Variants in RPS6KC1 observed in about 807,000 individuals in gnomAD.
The protein encoded by RPS6KC1 is inactive ribosomal protein S6 kinase delta-1.
In RPS6KC1, 54 loss-of-function variants were observed where a neutral mutation model predicts 103.8. That is an observed-to-expected ratio of 0.52 (90% CI 0.42 to 0.65). The LOEUF (loss-of-function observed/expected upper bound fraction) is 0.65. Ranked by LOEUF, RPS6KC1 falls within the 30% of genes least tolerant of loss-of-function variation. The pLI is 0.00. For synonymous variants in RPS6KC1, 439 were observed against 438.7 expected, an observed-to-expected ratio of 1.00 and a Z score of -0.01; for missense variants, 1,151 against 1,253.8, an observed-to-expected ratio of 0.92 and a Z score of 1.24.
the RPS6KC1 span, among the ~76,000 whole-genome samples, chr1:213,353,339 A>G: frequency 6.6e-6 from 1 of 152,246 alleles, no homozygotes; most frequent in Non-Finnish European, 1.5e-5. Flanking sequence ...GCACTCTTCT[A>G]GCCCTAAACA....
chr1:213,387,737 C>T, the RPS6KC1 span, among the ~76,000 whole-genome samples: 4 of 152,332 alleles, frequency 2.6e-5, no homozygotes, highest in African/African-American at 9.6e-5. Context: ...AAGACAATGA[C>T]ATAGCATTCT....
the RPS6KC1 span, among the ~76,000 whole-genome samples, chr1:213,423,349 T>C: frequency 6.6e-6 from 1 of 152,194 alleles, no homozygotes; most frequent in South Asian, 2.1e-4. Flanking sequence ...CCATTCTTGA[T>C]GGCAGGAGTT....
At chr1:213,560,092 G>A in the RPS6KC1 span, among the ~76,000 whole-genome samples, 1 of 152,096 alleles carries the variant, frequency 6.6e-6, no homozygotes, top group East Asian at 1.9e-4. Context: ...GTTTACTTTA[G>A]TTCCCCTAGT....
chr1:213,854,510 C>CTCTTTCTTTCTTTCTTTCTTTCTTTCTT, the RPS6KC1 span, among the ~76,000 whole-genome samples: 1 of 120,934 alleles, frequency 8.3e-6, no homozygotes, highest in Non-Finnish European at 1.7e-5. Flanking sequence ...CTCTTTCTTT[C>CTCTTTCTTTCTTTCTTTCTTTCTTTCTT]TCTTTCTTTC....
the RPS6KC1 span, among the ~76,000 whole-genome samples, chr1:213,786,150 T>C: frequency 2.6e-5 from 4 of 152,074 alleles, no homozygotes; most frequent in Admixed American, 2.6e-4. Context: ...GGTTCAATGA[T>C]GGAATAGGAG....
intron 14 of RPS6KC1, among the ~76,000 whole-genome samples, chr1:213,269,061 T>C (rs2094979141): frequency 6.6e-6 from 1 of 152,228 alleles, no homozygotes. Context: ...AGCTGGATCT[T>C]CTGTGCGTGA....
At chr1:213,084,737 C>T (rs1189156185) in intron 3 of RPS6KC1, among the ~76,000 whole-genome samples, 6 of 152,106 alleles carry the variant, frequency 3.9e-5, no homozygotes, top group African/African-American at 1.2e-4. Context: ...ATTATATTGG[C>T]ATTTTTGAAG....
intron 1 of RPS6KC1, among the ~76,000 whole-genome samples, chr1:213,069,864 A>G (rs2078708982): frequency 1.3e-5 from 2 of 152,096 alleles, no homozygotes; most frequent in South Asian, 4.1e-4. Context: ...ATCTAATGTG[A>G]GATTTTCCTA....
the RPS6KC1 span, among the ~76,000 whole-genome samples, chr1:213,778,045 A>G: frequency 6.6e-6 from 1 of 152,312 alleles, no homozygotes; most frequent in South Asian, 2.1e-4. Flanking sequence ...CAGGGTACTC[A>G]GGCAGTCTGA....
chr1:213,729,722 C>CT, the RPS6KC1 span, among the ~76,000 whole-genome samples: 5 of 151,800 alleles, frequency 3.3e-5, no homozygotes, highest in East Asian at 1.9e-4. Context: ...AGGACTTATT[C>CT]TTTTTTTATT....
the RPS6KC1 span, among the ~76,000 whole-genome samples, chr1:213,719,989 G>A: frequency 8.6e-5 from 13 of 150,798 alleles, no homozygotes; most frequent in Non-Finnish European, 1.8e-4. Context: ...TTTCCTTTCT[G>A]CCTGCTCTTC....
intron 8 of RPS6KC1, among the ~76,000 whole-genome samples, chr1:213,198,878 C>G (rs61834142): frequency 0.033 from 5,075 of 152,120 alleles, 110 homozygotes; most frequent in Middle Eastern, 0.054. Context: ...TTAAATTTAC[C>G]CAAATAAAAT....
the RPS6KC1 span, among the ~76,000 whole-genome samples, chr1:213,486,802 G>A: frequency 1.3e-5 from 2 of 152,142 alleles, no homozygotes; most frequent in Non-Finnish European, 2.9e-5. Context: ...GTCAAGATAC[G>A]GGCCCAGCTT....
At chr1:213,214,342 C>A (rs928527799) in intron 8 of RPS6KC1, among the ~76,000 whole-genome samples, 1 of 152,250 alleles carries the variant, frequency 6.6e-6, no homozygotes, top group Admixed American at 6.5e-5. Flanking sequence ...GGTGCCCGCC[C>A]TTGCTGAGGC....
At chr1:213,830,537 C>T in the RPS6KC1 span, among the ~76,000 whole-genome samples, 1 of 152,104 alleles carries the variant, frequency 6.6e-6, no homozygotes. Context: ...AAGACTGCTT[C>T]GAGAATATTG....
At chr1:213,110,247 G>A (rs1481490038) in intron 4 of RPS6KC1, among the ~76,000 whole-genome samples, 1 of 151,806 alleles carries the variant, frequency 6.6e-6, no homozygotes, top group African/African-American at 2.4e-5. Flanking sequence ...CCCATGTTTG[G>A]GTCACATACT....
chr1:213,272,625 G>C lies in RPS6KC1; in HGVS notation c.3192G>C (p.Leu1064=). 2 of 1,610,766 alleles carry C rather than the reference G, an allele frequency of 1.2e-6. No homozygotes were observed. The highest frequency in any genetic ancestry group is 1.7e-6 in the Non-Finnish European group (2 of 1,177,010). ...PFFTPVDWAE[L]MR is the part of the protein sequence containing the mutation. Reference sequence around the variant, plus strand: ...TTACCCCTGTGGATTGGGCAGAACTGATGAGATGAACGTAATGCAGGGTTA... The same window carrying C: ...TTACCCCTGTGGATTGGGCAGAACTCATGAGATGAACGTAATGCAGGGTTA... The change falls in exon 15 of 15, where the codon CTG becomes CTC. Residue 1064 remains leucine, a synonymous_variant. Coordinates refer to ENST00000366960, the MANE Select transcript of RPS6KC1 (RefSeq NM_012424.6).
the RPS6KC1 span, among the ~76,000 whole-genome samples, chr1:213,655,858 T>C: frequency 6.6e-6 from 1 of 152,200 alleles, no homozygotes; most frequent in South Asian, 2.1e-4. Context: ...TTTGTGATTT[T>C]AGAGGATGAC....
chr1:213,534,063 A>G, the RPS6KC1 span, among the ~76,000 whole-genome samples: 1 of 152,208 alleles, frequency 6.6e-6, no homozygotes, highest in Non-Finnish European at 1.5e-5. Context: ...CAGGATAGCA[A>G]ATAGGTTTCA....
Sources: allele counts gnomAD v4.1 joint callset (sites outside exome capture counted in the v4.1 genomes callset), GRCh38; gene constraint gnomAD v4.1.1; transcripts MANE v1.5; gene names NCBI Gene and HGNC (gene_info 2026-07-23, HGNC 2026-07-21).